Variants in KIR2DL4 observed in about 807,000 individuals in gnomAD.
The protein encoded by KIR2DL4 is killer cell immunoglobulin like receptor, two Ig domains and long cytoplasmic tail 4, also known as killer cell immunoglobulin-like receptor 2DL4.
A neutral mutation model predicts 31.0 loss-of-function variants in KIR2DL4; 41 were observed. The observed-to-expected ratio is 1.32, with a 90% CI of 1.03 to 1.72. KIR2DL4 has a LOEUF of 1.72. Ranked by LOEUF, KIR2DL4 falls within the 40% of genes most tolerant of loss-of-function variation. The pLI is 0.00. For missense variants in KIR2DL4, 438 were observed against 353.7 expected (o/e 1.24, Z -1.91); for synonymous variants, 164 against 133.6 (o/e 1.23, Z -1.57).
chr19:54,808,983 G>A (rs2147934536), intron 5 of KIR2DL4, 100 bp downstream of exon 5: 3 of 959,132 alleles, frequency 3.1e-6, no homozygotes, highest in East Asian at 4.8e-5. Flanking sequence ...CTGTGATTGT[G>A]GGCCTGTCTT....
intron 5 of KIR2DL4, among the ~76,000 whole-genome samples, chr19:54,810,952 A>T (rs2060832386): frequency 6.6e-6 from 1 of 151,312 alleles, no homozygotes; most frequent in Non-Finnish European, 1.5e-5. Context: ...AGTAATTTGC[A>T]GGGAGGGCTT....
rs750734058 is a variant in KIR2DL4, at chr19:54,808,164, G to A, written c.656-669G>A. Among the ~76,000 whole-genome samples, 870 of 149,846 alleles carry A rather than the reference G, an allele frequency of 5.8e-3. 17 individuals carry two copies. The highest frequency in any genetic ancestry group is 9.4e-3 in the Non-Finnish European group (639 of 67,718). ...TGGGTTGTCTCTTCTTCACTTCATT[G>A]GTTGCTTCCTTTGCGGTGCAGAAGC... On this transcript the variant is annotated intron_variant, in intron 4 of 7. Transcript: ENST00000359085.
chr19:54,806,070 G>A lies in KIR2DL4; in HGVS notation c.481G>A (p.Gly161Arg). The change falls in exon 4 of 8, where the codon GGG becomes AGG. Residue 161 changes from glycine to arginine, a missense_variant. Transcript: ENST00000359085. ...TGACATCTACCATCTATCCAGGGAG[G>A]GGGAAGCCCATGAACTTAGGCTCCC... is the stretch of plus-strand genomic sequence containing the variant. 5.6e-6 allele frequency: 9 copies of A among 1,612,012 alleles called. 1 individual carries two copies. The highest frequency in any genetic ancestry group is 4.4e-5 in the South Asian group (4 of 90,638).
chr19:54,808,720 C>A, intron 4 of KIR2DL4, 113 bp from the exon 5 acceptor site: 1 of 835,520 alleles, frequency 1.2e-6, no homozygotes, highest in East Asian at 2.5e-5. Flanking sequence ...CCAGGACTCC[C>A]AGGGCCCAAC....
intron 2 of KIR2DL4, 71 bp from the exon 3 acceptor site, chr19:54,804,722 T>A: frequency 6.7e-7 from 1 of 1,491,700 alleles, no homozygotes; most frequent in Non-Finnish European, 9.1e-7. Flanking sequence ...ATGGGGAGAA[T>A]CTTCTGAGCA....
chr19:54,812,145 G>A (rs77611365), intron 5 of KIR2DL4, among the ~76,000 whole-genome samples: 1 of 150,596 alleles, frequency 6.6e-6, no homozygotes, highest in Non-Finnish European at 1.5e-5. Context: ...TGCACCTGGG[G>A]CTGTGCCAAT....
chr19:54,811,269 G>A (rs630497), intron 5 of KIR2DL4, among the ~76,000 whole-genome samples: 54,372 of 149,750 alleles, frequency 0.36, 10,674 homozygotes, highest in Middle Eastern at 0.44. Context: ...GTGGTGGCGC[G>A]TGCCTGTAAT....
intron 3 of KIR2DL4, 118 bp from the exon 4 acceptor site, chr19:54,805,832 GT>G: frequency 1.0e-6 from 1 of 963,750 alleles, no homozygotes; most frequent in Non-Finnish European, 1.5e-6. Flanking sequence ...GGGGTGGAGG[GT>G]GAGAGAGAGA....
exon 8 of KIR2DL4, chr19:54,813,866 G>A (rs759894145): frequency 1.9e-5 from 30 of 1,612,328 alleles, no homozygotes; most frequent in African/African-American, 2.7e-5. Flanking sequence ...AGACCCTCAG[G>A]AGGTGACATA....
chr19:54,804,057 A>G, intron 2 of KIR2DL4, 131 bp downstream of exon 2: 1 of 862,322 alleles, frequency 1.2e-6, no homozygotes, highest in Non-Finnish European at 2.0e-6. Context: ...GGAGTCTCTC[A>G]TGAACTAGTA....
intron 5 of KIR2DL4, among the ~76,000 whole-genome samples, chr19:54,810,432 T>G (rs1036525882): frequency 1.3e-4 from 20 of 151,412 alleles, no homozygotes; most frequent in African/African-American, 4.4e-4. Context: ...GAGCCGTATT[T>G]TAAAAGAAAT....
At chr19:54,809,174 G>A (rs1156496548) in intron 5 of KIR2DL4, among the ~76,000 whole-genome samples, 2 of 150,886 alleles carry the variant, frequency 1.3e-5, no homozygotes, top group African/African-American at 4.9e-5. Flanking sequence ...ATTCCTAACT[G>A]GGAGGACAAA....
In KIR2DL4 at chr19:54,813,367, G is replaced by A. The variant is rs1203747074; in HGVS notation, c.810+139G>A. Reference sequence around the variant, plus strand: ...CCAGAGGCAGAGCTTTCTAGAGAGAGCACCAGACACCCTGCCCCTGCCTTC... The same window carrying A: ...CCAGAGGCAGAGCTTTCTAGAGAGAACACCAGACACCCTGCCCCTGCCTTC... On this transcript the variant is annotated intron_variant, in intron 6 of 7. Transcript: ENST00000359085. The A allele has an allele frequency of 6.6e-6, 9 of 1,364,468 alleles. No homozygotes were observed. In the East Asian group the frequency reaches 1.3e-4, roughly 19 times the overall value. The allele number at this position is 1,364,468 out of a possible 1,614,324, so 84.5% of individuals were successfully genotyped here.
At position 54,805,092 on chromosome 19, in the gene KIR2DL4, G is replaced by A. The variant is rs2060431553; in HGVS notation, c.361+15G>A. On this transcript the variant is annotated intron_variant, in intron 3 of 7. Transcript: ENST00000359085. ...CATGGTCACAGGTCAGAGGGCTCCT[G>A]TCTGGGCTTCTCCTTGTCCCACCTC... 2 of 1,581,340 alleles carry A rather than the reference G, an allele frequency of 1.3e-6. No homozygotes were observed. Among genetic ancestry groups the A allele is most frequent in the Non-Finnish European group, 1.7e-6 (2 of 1,167,564 alleles).
chr19:54,808,619 A>G, intron 4 of KIR2DL4, among the ~76,000 whole-genome samples: 1 of 150,366 alleles, frequency 6.7e-6, no homozygotes, highest in African/African-American at 2.5e-5. Context: ...CATATTTTTA[A>G]GTCAGGTAGT....
At chr19:54,810,326 C>T (rs1188696782) in intron 5 of KIR2DL4, among the ~76,000 whole-genome samples, 1 of 150,854 alleles carries the variant, frequency 6.6e-6, no homozygotes, top group African/African-American at 2.5e-5. Context: ...CAAGGTTTTA[C>T]CATGTTGCCC....
chr19:54,805,953 C>G, exon 4 of KIR2DL4: 5 of 1,604,586 alleles, frequency 3.1e-6, no homozygotes, highest in Non-Finnish European at 4.2e-6. Flanking sequence ...CCTTCCAGGT[C>G]TATATGAGAA....
intron 1 of KIR2DL4, 79 bp from the exon 2 acceptor site, chr19:54,803,812 C>T (rs994144445): frequency 5.8e-6 from 9 of 1,563,134 alleles, no homozygotes; most frequent in Non-Finnish European, 7.0e-6. Flanking sequence ...ATTTTCAGTC[C>T]AGCGTGGCGC....
intron 5 of KIR2DL4, among the ~76,000 whole-genome samples, chr19:54,809,902 A>G (rs571731452): frequency 4.9e-4 from 73 of 150,364 alleles, no homozygotes; most frequent in Non-Finnish European, 9.7e-4. Flanking sequence ...TTTCCATGTA[A>G]AATAACATAT....
Sources: gnomAD v4.1 joint callset for allele counts (sites outside exome capture counted in the v4.1 genomes callset) on GRCh38, gnomAD v4.1.1 for gene constraint, MANE v1.5 for transcripts, NCBI Gene and HGNC (gene_info 2026-07-23, HGNC 2026-07-21) for gene names.